Variants in PKHD1 observed in about 807,000 individuals in gnomAD.
PKHD1 encodes fibrocystin.
In PKHD1, 291 loss-of-function variants were observed where a neutral mutation model predicts 412.0. The ratio of observed to expected loss-of-function variants is 0.71; its 90% CI spans 0.64 to 0.78. PKHD1 has a LOEUF of 0.78. Ranked by LOEUF, PKHD1 falls within the 30% of genes least tolerant of loss-of-function variation. PKHD1 has a pLI of 0.00. For synonymous variants in PKHD1, 1,777 were observed against 1,821.5 expected, an observed-to-expected ratio of 0.98 and a Z score of 0.62; for missense variants, 4,825 against 4,950.7, an observed-to-expected ratio of 0.97 and a Z score of 0.76.
intron 33 of PKHD1, among the ~76,000 whole-genome samples, chr6:52,022,530 C>T (rs192164741): frequency 6.6e-6 from 1 of 152,214 alleles, no homozygotes; most frequent in Non-Finnish European, 1.5e-5. Flanking sequence ...CTCTGTCATC[C>T]TAAGACTGCA....
Position 52,082,544 on chromosome 6 carries a change from T to C in PKHD1, c.131-2A>G. On this transcript the variant is annotated splice_acceptor_variant, in intron 3 of 66. Transcript: ENST00000371117. LOFTEE classifies it high-confidence loss of function. ...GGTAAAGAACACCCAACTCCAAACC[T>C]AACACAAGGGAAAGAAATCTCAGGC... 1 of 1,613,910 alleles carries C rather than the reference T, an allele frequency of 6.2e-7. No individual in the cohort carries two copies. Among genetic ancestry groups the C allele is most frequent in the South Asian group, 1.1e-5 (1 of 91,078 alleles).
intron 50 of PKHD1, among the ~76,000 whole-genome samples, chr6:51,837,079 TA>T (rs1466688465): frequency 1.3e-5 from 2 of 152,138 alleles, no homozygotes; most frequent in Non-Finnish European, 2.9e-5. Flanking sequence ...GATAAACCAG[TA>T]GATTAAGCTG....
At chr6:51,791,981 T>G (rs1562320196) in intron 52 of PKHD1, among the ~76,000 whole-genome samples, 1 of 152,096 alleles carries the variant, frequency 6.6e-6, no homozygotes, top group Non-Finnish European at 1.5e-5. Flanking sequence ...TAAGTCCCAT[T>G]GTGTAAGGTA....
chr6:52,037,205 T>C (rs1804094620), intron 27 of PKHD1, among the ~76,000 whole-genome samples: 1 of 152,114 alleles, frequency 6.6e-6, no homozygotes, highest in Admixed American at 6.5e-5. Context: ...ATTTCTACCT[T>C]ATATGCTTCA....
intron 43 of PKHD1, among the ~76,000 whole-genome samples, chr6:51,901,526 G>T (rs369088376): frequency 2.0e-5 from 3 of 152,038 alleles, no homozygotes; most frequent in East Asian, 1.9e-4. Flanking sequence ...GTTGTGGGGT[G>T]GGGGGAGTGG....
intron 34 of PKHD1, among the ~76,000 whole-genome samples, chr6:52,013,268 C>A (rs990262237): frequency 6.6e-6 from 1 of 152,180 alleles, no homozygotes. Flanking sequence ...CCTCTGTTTG[C>A]CTGTTAGGAA....
intron 35 of PKHD1, among the ~76,000 whole-genome samples, chr6:52,005,077 A>C (rs952331454): frequency 6.6e-5 from 10 of 152,184 alleles, no homozygotes; most frequent in Non-Finnish European, 4.4e-5. Context: ...AACTGAGAGC[A>C]CAGAGAAATG....
chr6:52,077,915 A>G (rs1246940475), intron 5 of PKHD1, among the ~76,000 whole-genome samples: 1 of 149,082 alleles, frequency 6.7e-6, no homozygotes, highest in Non-Finnish European at 1.5e-5. Context: ...TCATATCAAC[A>G]TTATTTCAAC....
intron 21 of PKHD1, among the ~76,000 whole-genome samples, chr6:52,051,625 G>A (rs1349435506): frequency 6.6e-6 from 1 of 152,136 alleles, no homozygotes; most frequent in African/African-American, 2.4e-5. Flanking sequence ...TGGCAAAGAG[G>A]TGAGGGCAGT....
intron 37 of PKHD1, among the ~76,000 whole-genome samples, chr6:51,933,808 G>A (rs1787020553): frequency 6.6e-6 from 1 of 152,210 alleles, no homozygotes; most frequent in South Asian, 2.1e-4. Flanking sequence ...ATAAGGCTAA[G>A]TCTGCTCTTG....
chr6:51,684,389 A>G (rs1051077813), intron 60 of PKHD1, among the ~76,000 whole-genome samples: 2 of 152,118 alleles, frequency 1.3e-5, no homozygotes, highest in Non-Finnish European at 2.9e-5. Context: ...CTCATACAAT[A>G]TCCATGTTTT....
intron 46 of PKHD1, 83 bp downstream of exon 46, chr6:51,883,010 G>T: frequency 2.0e-6 from 2 of 1,010,232 alleles, no homozygotes; most frequent in Non-Finnish European, 3.1e-6. Context: ...TATTAAAATT[G>T]CATATCCTGG....
At chr6:51,767,216 A>AT (rs138318900) in intron 55 of PKHD1, among the ~76,000 whole-genome samples, 2,688 of 151,976 alleles carry the variant, frequency 0.018, 78 homozygotes, top group African/African-American at 0.059. Flanking sequence ...AGAGGCATAC[A>AT]TTTAAAAAAA....
At chr6:51,665,733 C>T (rs922570053) in intron 60 of PKHD1, among the ~76,000 whole-genome samples, 1 of 152,060 alleles carries the variant, frequency 6.6e-6, no homozygotes, top group South Asian at 2.1e-4. Flanking sequence ...TGTTTAGATG[C>T]AAGCTGAAGT....
intron 26 of PKHD1, 79 bp from the exon 27 acceptor site, chr6:52,043,213 T>G: frequency 8.7e-7 from 1 of 1,143,112 alleles, no homozygotes; most frequent in South Asian, 1.4e-5. Flanking sequence ...CCTCTCACTA[T>G]CATCAAATGT....
At chr6:52,059,085 A>G (rs1057253191) in intron 15 of PKHD1, among the ~76,000 whole-genome samples, 3 of 152,018 alleles carry the variant, frequency 2.0e-5, no homozygotes, top group African/African-American at 7.3e-5. Flanking sequence ...ATCTTTTCTT[A>G]TCCTTCAATG....
chr6:51,810,610 T>C (rs1764547259), intron 52 of PKHD1, among the ~76,000 whole-genome samples: 1 of 152,082 alleles, frequency 6.6e-6, no homozygotes, highest in Non-Finnish European at 1.5e-5. Context: ...GCCCTAGAAA[T>C]AGTTTTCTCT....
chr6:51,657,124 A>T (rs981485956), intron 61 of PKHD1, among the ~76,000 whole-genome samples: 22 of 151,674 alleles, frequency 1.5e-4, no homozygotes, highest in African/African-American at 2.9e-4. Flanking sequence ...TAATAATAAA[A>T]AAAAAAAAAA....
At chr6:51,917,540 C>T (rs1784019765) in intron 37 of PKHD1, among the ~76,000 whole-genome samples, 2 of 152,114 alleles carry the variant, frequency 1.3e-5, no homozygotes, top group Non-Finnish European at 2.9e-5. Flanking sequence ...TGGAGCACTG[C>T]AATCACACCA....
Sources: allele counts gnomAD v4.1 joint callset (sites outside exome capture counted in the v4.1 genomes callset), GRCh38; gene constraint gnomAD v4.1.1; transcripts MANE v1.5; gene names NCBI Gene and HGNC (gene_info 2026-07-23, HGNC 2026-07-21).